The following TTC28 variants were observed in gnomAD, a reference collection of about 807,000 sequenced individuals.
TTC28 encodes the protein tetratricopeptide repeat protein 28.
TTC28 carries 61 observed loss-of-function variants against 198.0 expected under a neutral mutation model. That is an observed-to-expected ratio of 0.31 (90% CI 0.25 to 0.38). TTC28 has a LOEUF of 0.38. TTC28 is among the 10% of genes least tolerant of loss of function. The probability of loss-of-function intolerance (pLI) is 1.00; values close to 1 mark genes in which losing one functional copy is unlikely to be tolerated. For synonymous variants in TTC28, 1,171 were observed against 1,297.8 expected (o/e 0.90, Z 2.10); for missense variants, 2,678 against 3,164.0 (o/e 0.85, Z 3.69).
intron 1 of TTC28, among the ~76,000 whole-genome samples, chr22:28,673,780 A>G (rs944844481): frequency 6.6e-6 from 1 of 152,224 alleles, no homozygotes; most frequent in Non-Finnish European, 1.5e-5. Context: ...TCCAAGCATC[A>G]TATTTGTATC....
At chr22:28,359,289 A>AT in intron 2 of TTC28, among the ~76,000 whole-genome samples, 1 of 152,306 alleles carries the variant, frequency 6.6e-6, no homozygotes, top group African/African-American at 2.4e-5. Flanking sequence ...TATAAGAATC[A>AT]TATCAGAAGA....
chr22:28,374,517 C>T (rs1170049551), intron 2 of TTC28, among the ~76,000 whole-genome samples: 2 of 152,026 alleles, frequency 1.3e-5, no homozygotes, highest in African/African-American at 4.8e-5. Context: ...GTGTAAAGAA[C>T]ACTTAAACAG....
At position 28,104,335 on chromosome 22, in the gene TTC28, T is replaced by A. The variant is rs183111552; in HGVS notation, c.3307+944A>T. On this transcript the variant is annotated intron_variant, in intron 8 of 22. Coordinates refer to ENST00000397906, the MANE Select transcript of TTC28 (RefSeq NM_001145418.2). ...CTGTACTTCTCTGAGCCTCAGGTGA[T>A]TCAACTGCAAAAATGGGAATAAAAA... 2.0e-5 allele frequency among the ~76,000 whole-genome samples: 3 copies of A among 152,310 alleles called. No homozygotes were observed. In the East Asian group the frequency reaches 5.8e-4, roughly 29 times the overall value.
Position 28,632,651 on chromosome 22 carries a change from C to T in TTC28, c.103-2821G>A, listed in dbSNP as rs575327767. 2.0e-5 allele frequency among the ~76,000 whole-genome samples: 3 copies of T among 151,482 alleles called. No homozygotes were observed. The South Asian group carries it at 6.3e-4, about 32-fold the overall frequency. ...TGGTTCTGCTTAAGGTCAATAATAC[C>T]ATAAGTTATAGAAACAAATTCTGTA... On this transcript the variant is annotated intron_variant, in intron 1 of 22. Coordinates refer to ENST00000397906, the MANE Select transcript of TTC28 (RefSeq NM_001145418.2).
intron 5 of TTC28, among the ~76,000 whole-genome samples, chr22:28,263,084 C>T (rs1036865719): frequency 7.2e-5 from 11 of 151,972 alleles, no homozygotes; most frequent in Admixed American, 7.2e-4. Context: ...TTAAGAAAGC[C>T]CTAAAATTGG....
intron 2 of TTC28, among the ~76,000 whole-genome samples, chr22:28,394,920 A>G (rs970532891): frequency 6.6e-6 from 1 of 152,178 alleles, no homozygotes; most frequent in African/African-American, 2.4e-5. Context: ...TAATACTATG[A>G]CTATGTGCTC....
intron 2 of TTC28, among the ~76,000 whole-genome samples, chr22:28,513,825 T>A (rs2048732812): frequency 6.6e-6 from 1 of 151,992 alleles, no homozygotes; most frequent in Admixed American, 6.6e-5. Context: ...ATATTAAAAA[T>A]CTAAAATGAA....
chr22:28,433,287 G>A (rs2047461582), intron 2 of TTC28, among the ~76,000 whole-genome samples: 1 of 151,962 alleles, frequency 6.6e-6, no homozygotes, highest in Non-Finnish European at 1.5e-5. Context: ...TTTTGAGATG[G>A]AGACTTTTCT....
At chr22:28,118,235 C>A (rs1330714892) in intron 6 of TTC28, among the ~76,000 whole-genome samples, 2 of 151,988 alleles carry the variant, frequency 1.3e-5, no homozygotes, top group African/African-American at 4.8e-5. Flanking sequence ...CCCGTCTCTA[C>A]TAAAAATACA....
At chr22:28,215,620 GTA>G (rs907508914) in intron 5 of TTC28, among the ~76,000 whole-genome samples, 8 of 152,106 alleles carry the variant, frequency 5.3e-5, no homozygotes, top group African/African-American at 1.7e-4. Flanking sequence ...GTGTGTGTGT[GTA>G]TGTGTGTGTG....
Position 27,982,944 on chromosome 22 carries a change from G to A in TTC28, c.6723C>T (p.Ser2241=), listed in dbSNP as rs753205814. The change falls in exon 23 of 23, where the codon TCC becomes TCT. Residue 2241 remains serine (S), a synonymous_variant. Transcript: ENST00000397906. The surrounding 1 kb of genome is among the most constrained non-coding windows in gnomAD (Gnocchi z 5.2). ...VKPKPPARSS[S]LPKVSSGYSS... ...TATATCCGGAACTCACCTTGGGCAG[G>A]GAGGAGCTCCTGGCTGGGGGCTTTG... 9.7e-6 allele frequency: 15 copies of A among 1,551,690 alleles called. No homozygotes were observed. In the South Asian group the frequency reaches 1.8e-4, roughly 18 times the overall value.
At chr22:28,615,566 T>C (rs540260778) in intron 2 of TTC28, among the ~76,000 whole-genome samples, 43 of 152,238 alleles carry the variant, frequency 2.8e-4, no homozygotes, top group African/African-American at 9.9e-4. Flanking sequence ...CCATCAATGA[T>C]AGACTGGATA....
chr22:28,193,717 A>G (rs1819826291), intron 5 of TTC28, among the ~76,000 whole-genome samples: 1 of 152,216 alleles, frequency 6.6e-6, no homozygotes, highest in South Asian at 2.1e-4. Context: ...TAAAGGGATC[A>G]ATTCAACAAG....
intron 2 of TTC28, among the ~76,000 whole-genome samples, chr22:28,557,527 G>A (rs375684436): frequency 5.3e-5 from 8 of 152,024 alleles, no homozygotes; most frequent in African/African-American, 1.9e-4. Flanking sequence ...AATCTTCTTG[G>A]TCATATTTGA....
intron 1 of TTC28, among the ~76,000 whole-genome samples, chr22:28,637,880 GCAAAATGGAAAC>G (rs2051301502): frequency 6.6e-6 from 1 of 151,960 alleles, no homozygotes; most frequent in South Asian, 2.1e-4. Context: ...GATATTCCAC[GCAAAATGGAAAC>G]CAAAAGAGAG....
chr22:28,360,437 A>G lies in TTC28; in HGVS notation c.382-53794T>C. 2.0e-5 allele frequency among the ~76,000 whole-genome samples: 3 copies of G among 152,334 alleles called. No homozygotes were observed. The Middle Eastern group carries it at 0.01, about 518-fold the overall frequency. The stretch of plus-strand genomic sequence containing the variant: ...TAATTAGAATATTATTTTTACACAA[A>G]TTTAATATTTTATAAAGCTTTAATA... On this transcript the variant is annotated intron_variant, in intron 2 of 22. Transcript: ENST00000397906.
chr22:28,579,538 T>G (rs1292470017), intron 2 of TTC28, among the ~76,000 whole-genome samples: 1 of 149,538 alleles, frequency 6.7e-6, no homozygotes, highest in African/African-American at 2.4e-5. Context: ...TAACTATATA[T>G]TCATTTATCA....
chr22:28,196,137 T>C (rs1925312964), intron 5 of TTC28, among the ~76,000 whole-genome samples: 1 of 151,836 alleles, frequency 6.6e-6, no homozygotes. Context: ...ATGCCGCATA[T>C]CTACAACCAT....
intron 2 of TTC28, among the ~76,000 whole-genome samples, chr22:28,482,934 C>T (rs1402918508): frequency 1.3e-5 from 2 of 152,100 alleles, no homozygotes; most frequent in Non-Finnish European, 2.9e-5. Context: ...GAAAATTTTT[C>T]ATTATAGGTA....
Sources: allele counts gnomAD v4.1 joint callset (sites outside exome capture counted in the v4.1 genomes callset), GRCh38; gene constraint gnomAD v4.1.1; non-coding constraint Gnocchi (gnomAD v3.1); transcripts MANE v1.5; gene names NCBI Gene and HGNC (gene_info 2026-07-23, HGNC 2026-07-21).